Variants in ZNF407 observed in about 807,000 individuals in gnomAD.
The protein encoded by ZNF407 is zinc finger protein 407.
A neutral mutation model predicts 131.2 loss-of-function variants in ZNF407; 17 were observed. The observed-to-expected ratio is 0.13, with a 90% CI of 0.09 to 0.19. The LOEUF is 0.19. ZNF407 is among the 10% of genes least tolerant of loss of function. The pLI, the probability that ZNF407 is intolerant of heterozygous loss-of-function variation, is 1.00. For synonymous variants in ZNF407, 1,156 were observed against 1,062.0 expected (o/e 1.09, Z -1.72); for missense variants, 2,681 against 2,830.6 (o/e 0.95, Z 1.20).
chr18:74,916,138 TG>T (rs1183266500), intron 7 of ZNF407, among the ~76,000 whole-genome samples: 2 of 42,334 alleles, frequency 4.7e-5, no homozygotes, highest in South Asian at 1.6e-3. Flanking sequence ...TGTGTGTGTG[TG>T]TGCATGCATG....
chr18:75,036,647 G>A (rs1416190817), intron 8 of ZNF407, among the ~76,000 whole-genome samples: 1 of 152,196 alleles, frequency 6.6e-6, no homozygotes, highest in African/African-American at 2.4e-5. Flanking sequence ...ACTTAGGCAT[G>A]CAATGTACAA....
intron 3 of ZNF407, among the ~76,000 whole-genome samples, chr18:74,752,846 T>C (rs1265004477): frequency 6.6e-6 from 1 of 152,234 alleles, no homozygotes; most frequent in African/African-American, 2.4e-5. Flanking sequence ...TAGGATTGTC[T>C]TGGCAATGTG....
intron 3 of ZNF407, among the ~76,000 whole-genome samples, chr18:74,649,891 C>A (rs1273443418): frequency 6.6e-6 from 1 of 152,150 alleles, no homozygotes; most frequent in Non-Finnish European, 1.5e-5. Context: ...TTCTGAGTGC[C>A]AAACGTGGGA....
At chr18:74,741,980 C>A (rs373054586) in intron 3 of ZNF407, among the ~76,000 whole-genome samples, 1 of 152,096 alleles carries the variant, frequency 6.6e-6, no homozygotes, top group Non-Finnish European at 1.5e-5. Flanking sequence ...GAATTTTACA[C>A]CAAGTGGGAA....
intron 4 of ZNF407, among the ~76,000 whole-genome samples, chr18:74,832,956 A>G (rs141806952): frequency 1.6e-3 from 251 of 152,356 alleles, no homozygotes; most frequent in Middle Eastern, 0.014. Context: ...AAAGTAAGGA[A>G]AAGCAATAGG....
chr18:74,862,630 T>G (rs1425090787), intron 4 of ZNF407, among the ~76,000 whole-genome samples: 1 of 152,234 alleles, frequency 6.6e-6, no homozygotes, highest in Non-Finnish European at 1.5e-5. Context: ...CCACATAATT[T>G]GTCAAATTTT....
At chr18:74,696,144 C>G (rs1481827648) in intron 3 of ZNF407, among the ~76,000 whole-genome samples, 1 of 152,164 alleles carries the variant, frequency 6.6e-6, no homozygotes, top group African/African-American at 2.4e-5. Flanking sequence ...AGCACATCTC[C>G]AAGAACGAAA....
At chr18:74,720,827 G>C (rs946619860) in intron 3 of ZNF407, among the ~76,000 whole-genome samples, 10 of 151,714 alleles carry the variant, frequency 6.6e-5, no homozygotes, top group Admixed American at 3.3e-4. Flanking sequence ...TCTCTATTCT[G>C]TTCCATTGGT....
intron 3 of ZNF407, among the ~76,000 whole-genome samples, chr18:74,758,910 C>A (rs969431272): frequency 6.6e-5 from 10 of 152,152 alleles, no homozygotes; most frequent in South Asian, 4.1e-4. Context: ...TAAAAAATTA[C>A]CTACGTCATT....
chr18:74,961,652 G>A (rs969278565), intron 8 of ZNF407, among the ~76,000 whole-genome samples: 14 of 151,734 alleles, frequency 9.2e-5, no homozygotes, highest in Admixed American at 9.2e-4. Flanking sequence ...CCCAGGAGAC[G>A]GAAGCTGCAG....
chr18:74,906,253 C>G (rs184050923), intron 7 of ZNF407, among the ~76,000 whole-genome samples: 1 of 152,228 alleles, frequency 6.6e-6, no homozygotes, highest in Non-Finnish European at 1.5e-5. Flanking sequence ...ACCCTCTCCT[C>G]TCTTCCCTGT....
At chr18:75,016,857 T>A (rs1234768443) in intron 8 of ZNF407, among the ~76,000 whole-genome samples, 1 of 152,166 alleles carries the variant, frequency 6.6e-6, no homozygotes, top group Non-Finnish European at 1.5e-5. Flanking sequence ...AAGTTGAAGC[T>A]AGAGAAGGAG....
At chr18:74,794,819 C>CTTA (rs1969889970) in intron 4 of ZNF407, among the ~76,000 whole-genome samples, 1 of 152,124 alleles carries the variant, frequency 6.6e-6, no homozygotes, top group Non-Finnish European at 1.5e-5. Flanking sequence ...GCATACGATG[C>CTTA]TTAATAACTT....
chr18:74,622,326 G>C (rs1568316500), intron 1 of ZNF407, among the ~76,000 whole-genome samples: 1 of 152,236 alleles, frequency 6.6e-6, no homozygotes, highest in East Asian at 1.9e-4. Flanking sequence ...TGACGTGACA[G>C]ATGAAGAAAG....
chr18:74,671,723 A>G (rs926352428), intron 3 of ZNF407, among the ~76,000 whole-genome samples: 1 of 152,194 alleles, frequency 6.6e-6, no homozygotes, highest in Admixed American at 6.5e-5. Flanking sequence ...GCTGCATAGT[A>G]TGCCACAAAA....
intron 8 of ZNF407, among the ~76,000 whole-genome samples, chr18:75,024,512 C>T (rs1340055489): frequency 1.3e-5 from 2 of 152,146 alleles, no homozygotes; most frequent in Non-Finnish European, 2.9e-5. Flanking sequence ...TGTTCATTTT[C>T]AAATGTGCTA....
intron 8 of ZNF407, among the ~76,000 whole-genome samples, chr18:75,025,254 G>A (rs1289543815): frequency 2.0e-5 from 3 of 152,126 alleles, no homozygotes; most frequent in East Asian, 1.9e-4. Flanking sequence ...CTTTGGATTC[G>A]ACCTTAAGGT....
intron 4 of ZNF407, among the ~76,000 whole-genome samples, chr18:74,808,190 T>G (rs1970141969): frequency 6.6e-6 from 1 of 152,198 alleles, no homozygotes; most frequent in South Asian, 2.1e-4. Context: ...ATTTTGTATT[T>G]TTAGTAGAGA....
At chr18:74,602,936 G>A (rs550004763) in intron 1 of ZNF407, among the ~76,000 whole-genome samples, 1 of 149,172 alleles carries the variant, frequency 6.7e-6, no homozygotes, top group African/African-American at 2.5e-5. Context: ...AATGCCTCAG[G>A]GGGACTCCTA....
Sources: allele counts gnomAD v4.1 joint callset (sites outside exome capture counted in the v4.1 genomes callset), GRCh38; gene constraint gnomAD v4.1.1; transcripts MANE v1.5; gene names NCBI Gene and HGNC (gene_info 2026-07-23, HGNC 2026-07-21).